The following LAMA2 variants were observed in gnomAD, a reference collection of about 807,000 sequenced individuals.
The protein encoded by LAMA2 is laminin subunit alpha 2, also known as laminin subunit alpha-2.
A neutral mutation model predicts 364.8 loss-of-function variants in LAMA2; 269 were observed. The observed-to-expected ratio is 0.74, with a 90% confidence interval of 0.67 to 0.82. The LOEUF (loss-of-function observed/expected upper bound fraction) is 0.82, where lower values mean the gene tolerates loss of function less well. LAMA2 is among the 40% of genes least tolerant of loss of function. The pLI is 0.00. For synonymous variants in LAMA2, 1,379 were observed against 1,370.6 expected (o/e 1.01, Z -0.14); for missense variants, 3,807 against 3,873.2 (o/e 0.98, Z 0.45).
chr6:129,172,842 C>A (rs1035854440), intron 9 of LAMA2, among the ~76,000 whole-genome samples: 2 of 152,244 alleles, frequency 1.3e-5, no homozygotes, highest in Non-Finnish European at 2.9e-5. Flanking sequence ...GGCGTAGGAC[C>A]CTCCAAGCCA....
intron 1 of LAMA2, among the ~76,000 whole-genome samples, chr6:128,962,158 A>ATATATATATATG (rs1781564398): frequency 8.9e-6 from 1 of 112,756 alleles, no homozygotes; most frequent in Non-Finnish European, 1.8e-5. Flanking sequence ...ATATATATAT[A>ATATATATATATG]TATATATATA....
chr6:129,446,576 AGGGGT>A (rs1782398821), intron 45 of LAMA2, among the ~76,000 whole-genome samples: 1 of 33,104 alleles, frequency 3.0e-5, no homozygotes, highest in Non-Finnish European at 5.7e-5. Flanking sequence ...AGGGGAGGGG[AGGGGT>A]GGTAGAAAGA....
chr6:129,445,547 A>G (rs773209615), intron 44 of LAMA2, 120 bp from the exon 45 acceptor site: 139 of 840,584 alleles, frequency 1.7e-4, no homozygotes, highest in Middle Eastern at 4.9e-4. Flanking sequence ...TTTAGCTGTT[A>G]TGGCCATGCT....
intron 22 of LAMA2, among the ~76,000 whole-genome samples, chr6:129,306,313 C>CTTTTTTTTTT (rs11315443): frequency 5.7e-5 from 4 of 70,394 alleles, no homozygotes; most frequent in Admixed American, 1.5e-4. Flanking sequence ...TAATTTTTTC[C>CTTTTTTTTTT]TTTTTTTTTT....
intron 1 of LAMA2, among the ~76,000 whole-genome samples, chr6:128,993,651 A>C (rs183173291): frequency 2.0e-5 from 3 of 152,276 alleles, no homozygotes; most frequent in Middle Eastern, 3.4e-3. Flanking sequence ...TGATGTAAAA[A>C]GATTGTTTTT....
At chr6:129,298,165 A>C (rs1773323640) in intron 21 of LAMA2, among the ~76,000 whole-genome samples, 1 of 32,546 alleles carries the variant, frequency 3.1e-5, no homozygotes, top group Non-Finnish European at 5.3e-5. Context: ...TTGAAAGTTA[A>C]ATGTTCGATT....
chr6:129,179,954 C>T (rs1222495379), intron 10 of LAMA2, among the ~76,000 whole-genome samples: 1 of 152,038 alleles, frequency 6.6e-6, no homozygotes, highest in Non-Finnish European at 1.5e-5. Context: ...CAATTAAGTG[C>T]CTACAGTCTC....
intron 33 of LAMA2, among the ~76,000 whole-genome samples, chr6:129,368,502 C>T (rs776318984): frequency 1.1e-4 from 17 of 152,190 alleles, no homozygotes; most frequent in Middle Eastern, 3.4e-3. Context: ...AAAAGAATGC[C>T]GATCAGTTAT....
chr6:129,177,814 G>A lies in LAMA2; in HGVS notation c.1415G>A (p.Ser472Asn), dbSNP rs1387223571. ...CCGGACTGCAAAGCCTGTAACTGCA[G>A]TGGGTTAGGGAGCAAAAATGAGGAT... ...GYPDCKACNC[S>N]GLGSKNEDPC... The change falls in exon 10 of 65, where the codon AGT becomes AAT. Residue 472 changes from serine to asparagine, a missense_variant. Transcript: ENST00000421865. The A allele has an allele frequency of 1.2e-6, 2 of 1,613,934 alleles. No homozygotes were observed. Among genetic ancestry groups the A allele is most frequent in the East Asian group, 2.2e-5 (1 of 44,884 alleles).
At chr6:129,032,963 G>A (rs182345256) in intron 1 of LAMA2, among the ~76,000 whole-genome samples, 40 of 152,224 alleles carry the variant, frequency 2.6e-4, no homozygotes, top group African/African-American at 8.7e-4. Flanking sequence ...TGAAAACCAC[G>A]AACTCTACTT....
At chr6:129,063,333 G>A (rs550494590) in intron 3 of LAMA2, among the ~76,000 whole-genome samples, 63 of 151,992 alleles carry the variant, frequency 4.1e-4, no homozygotes, top group Non-Finnish European at 7.4e-4. Flanking sequence ...ACAGTAATAG[G>A]GACTCAAACG....
intron 44 of LAMA2, among the ~76,000 whole-genome samples, chr6:129,444,075 A>G (rs558754787): frequency 6.6e-6 from 1 of 152,292 alleles, no homozygotes; most frequent in East Asian, 1.9e-4. Context: ...CAAGAAAAAT[A>G]AAGGACAAAT....
chr6:128,917,686 ATCTG>A (rs1484018692), intron 1 of LAMA2, among the ~76,000 whole-genome samples: 1 of 122,080 alleles, frequency 8.2e-6, no homozygotes, highest in Non-Finnish European at 1.8e-5. Context: ...TCACCCTATT[ATCTG>A]TCCTTTTTCT....
At chr6:129,158,360 A>G in intron 8 of LAMA2, 3 of 1,613,988 alleles carry the variant, frequency 1.9e-6, no homozygotes, top group South Asian at 2.2e-5. Flanking sequence ...CTCTTTCGCC[A>G]TGCCATTTGC....
chr6:129,463,017 T>C (rs1421552597), intron 49 of LAMA2, among the ~76,000 whole-genome samples: 5 of 152,024 alleles, frequency 3.3e-5, no homozygotes, highest in Non-Finnish European at 7.4e-5. Flanking sequence ...AAGTGTATCT[T>C]ATTTTTCTCA....
intron 28 of LAMA2, among the ~76,000 whole-genome samples, chr6:129,324,196 G>A (rs1242408726): frequency 1.3e-5 from 2 of 152,046 alleles, no homozygotes; most frequent in East Asian, 1.9e-4. Context: ...TTTATTTTTA[G>A]TTTATTTCCA....
chr6:129,324,072 C>A (rs1159268975), intron 28 of LAMA2, among the ~76,000 whole-genome samples: 1 of 152,200 alleles, frequency 6.6e-6, no homozygotes, highest in Non-Finnish European at 1.5e-5. Flanking sequence ...TTCTGTTGCA[C>A]ACCAGAGACC....
At chr6:129,508,694 A>G (rs1786313214) in intron 62 of LAMA2, among the ~76,000 whole-genome samples, 1 of 152,194 alleles carries the variant, frequency 6.6e-6, no homozygotes, top group Non-Finnish European at 1.5e-5. Context: ...TGCAGATGAT[A>G]GGATCTCATT....
At chr6:129,245,760 C>A (rs1158864380) in intron 12 of LAMA2, among the ~76,000 whole-genome samples, 2 of 152,064 alleles carry the variant, frequency 1.3e-5, no homozygotes, top group African/African-American at 2.4e-5. Context: ...TTTCTTTAGT[C>A]TTCTTACTAG....
Sources: allele counts gnomAD v4.1 joint callset (sites outside exome capture counted in the v4.1 genomes callset), GRCh38; gene constraint gnomAD v4.1.1; transcripts MANE v1.5; gene names NCBI Gene and HGNC (gene_info 2026-07-23, HGNC 2026-07-21).